RNF152: variants seen among roughly 807,000 people sequenced by gnomAD.
The protein encoded by RNF152 is ring finger protein 152.
Under a neutral mutation model 12.7 loss-of-function variants are expected in RNF152, and 11 were observed. The ratio of observed to expected loss-of-function variants is 0.86; its 90% CI spans 0.54 to 1.43. RNF152 has a LOEUF of 1.43. Among genes scored for constraint, RNF152 ranks in the 40% most tolerant of loss-of-function variants. RNF152 has a pLI of 0.00. For synonymous variants in RNF152, 113 were observed against 120.3 expected (o/e 0.94, Z 0.40); for missense variants, 255 against 274.8 (o/e 0.93, Z 0.51).
rs1555702340 is a variant in RNF152, at chr18:61,844,102, G to GAAAGAAAGAAAGAAAGAAAGAAAGAA, written c.-135-27530_-135-27505dup. Among the ~76,000 whole-genome samples the GAAAGAAAGAAAGAAAGAAAGAAAGAA allele has an allele frequency of 4.5e-3, 607 of 136,316 alleles. 5 individuals are homozygous for GAAAGAAAGAAAGAAAGAAAGAAAGAA. The highest frequency in any genetic ancestry group is 0.015 in the Middle Eastern group (4 of 268). The allele number at this position is 136,316 out of a possible 152,430, so 89.4% of individuals were successfully genotyped here. On this transcript the variant is annotated intron_variant, in intron 1 of 1. Transcript: ENST00000312828. ...GGAAAGAAAGAAAGAAAGAAAGAAAGAAAGAAAGAAAGAAAGAAAGAAAGA... is the reference window on the plus strand; with the variant it reads ...GGAAAGAAAGAAAGAAAGAAAGAAAGAAAGAAAGAAAGAAAGAAAGAAAGAAAAAGAAAGAAAGAAAGAAAGAAAGA...
At chr18:61,845,154 T>C (rs1007228849) in intron 1 of RNF152, among the ~76,000 whole-genome samples, 3 of 152,188 alleles carry the variant, frequency 2.0e-5, no homozygotes, top group Non-Finnish European at 4.4e-5. Context: ...GGCCTGATCA[T>C]AGCTCATTGC....
Position 61,876,032 on chromosome 18 carries a change from T to C in RNF152, c.-136+16763A>G, listed in dbSNP as rs117616449. 1.4e-4 allele frequency among the ~76,000 whole-genome samples: 21 copies of C among 152,242 alleles called. No homozygotes were observed. The East Asian group carries it at 3.9e-3, about 28-fold the overall frequency. Reference sequence around the variant, plus strand: ...TCCCACCAACCTTTCCAATCCTTTTTCATACTATTCCTACTCCCATACTCC... The same window carrying C: ...TCCCACCAACCTTTCCAATCCTTTTCCATACTATTCCTACTCCCATACTCC... On this transcript the variant is annotated intron_variant, in intron 1 of 1. Coordinates refer to ENST00000312828, the MANE Select transcript of RNF152 (RefSeq NM_173557.3).
At chr18:61,823,901 T>C (rs78623331) in intron 1 of RNF152, among the ~76,000 whole-genome samples, 3,500 of 152,318 alleles carry the variant, frequency 0.023, 133 homozygotes, top group African/African-American at 0.079. Flanking sequence ...AAGGGCATCC[T>C]GTGCCAGGGG....
At position 61,811,163 on chromosome 18, in the gene RNF152, T is replaced by C. The variant is rs749284087; in HGVS notation, c.*4689A>G. The C allele has an allele frequency of 3.9e-5, 6 of 152,170 alleles. No individual in the cohort carries two copies. Among genetic ancestry groups the C allele is most frequent in the Non-Finnish European group, 8.8e-5 (6 of 68,038 alleles). 9.4% of individuals were successfully genotyped at this position (152,170 alleles called of 1,614,324 possible). On this transcript the variant is annotated 3_prime_UTR_variant, in exon 2 of 2. Coordinates refer to ENST00000312828, the MANE Select transcript of RNF152 (RefSeq NM_173557.3). ...TTCTGCTAAAATGAAGTAAATGTAT[T>C]TTGTATATATTCCATTTGGAAAACA...
At chr18:61,855,119 T>C (rs1911161407) in intron 1 of RNF152, among the ~76,000 whole-genome samples, 1 of 152,230 alleles carries the variant, frequency 6.6e-6, no homozygotes, top group South Asian at 2.1e-4. Context: ...TACACAATTA[T>C]AACCAGTGGG....
At chr18:61,880,603 CT>C (rs1254223849) in intron 1 of RNF152, among the ~76,000 whole-genome samples, 3 of 152,212 alleles carry the variant, frequency 2.0e-5, no homozygotes. Flanking sequence ...CTACAGTTAT[CT>C]CCCCCACTCT....
At chr18:61,854,050 C>T (rs887638517) in intron 1 of RNF152, among the ~76,000 whole-genome samples, 4 of 152,206 alleles carry the variant, frequency 2.6e-5, no homozygotes, top group African/African-American at 4.8e-5. Context: ...CAAGCTGATA[C>T]CTAATCTTAC....
chr18:61,867,949 C>T (rs942029387), intron 1 of RNF152, among the ~76,000 whole-genome samples: 2 of 152,156 alleles, frequency 1.3e-5, no homozygotes, highest in East Asian at 3.8e-4. Context: ...TAACCTTAAA[C>T]AAATATGCTA....
chr18:61,885,852 C>CA (rs1370252396), intron 1 of RNF152, among the ~76,000 whole-genome samples: 39 of 152,078 alleles, frequency 2.6e-4, no homozygotes, highest in Non-Finnish European at 3.7e-4. Context: ...CAACTACACC[C>CA]AGTCATCACA....
chr18:61,869,505 A>G (rs1326560763), intron 1 of RNF152, among the ~76,000 whole-genome samples: 1 of 152,242 alleles, frequency 6.6e-6, no homozygotes, highest in African/African-American at 2.4e-5. Context: ...GAACACCCAG[A>G]GACCCACTTG....
chr18:61,839,934 T>G (rs139546526), intron 1 of RNF152, among the ~76,000 whole-genome samples: 243 of 152,292 alleles, frequency 1.6e-3, no homozygotes, highest in Non-Finnish European at 2.7e-3. Context: ...AGGCTCAACT[T>G]GTATTTCCCC....
chr18:61,883,806 G>C (rs1005714880), intron 1 of RNF152, among the ~76,000 whole-genome samples: 1 of 152,174 alleles, frequency 6.6e-6, no homozygotes, highest in African/African-American at 2.4e-5. Flanking sequence ...GGCTAGCTCA[G>C]AACCCTTTCT....
chr18:61,835,292 C>T (rs569167263), intron 1 of RNF152, among the ~76,000 whole-genome samples: 174 of 152,276 alleles, frequency 1.1e-3, no homozygotes, highest in Non-Finnish European at 1.6e-3. Context: ...GACTAGACTA[C>T]GTCTCTCCAC....
At chr18:61,856,292 C>T (rs562162118) in intron 1 of RNF152, among the ~76,000 whole-genome samples, 2 of 152,186 alleles carry the variant, frequency 1.3e-5, no homozygotes, top group South Asian at 2.1e-4. Context: ...GAAAATGACA[C>T]GGGGAAATAC....
rs1304030910 is a variant in RNF152, at chr18:61,812,569, A to C, written c.*3283T>G. The C allele has an allele frequency of 6.6e-6, 1 of 152,218 alleles. No homozygotes were observed. Among genetic ancestry groups the C allele is most frequent in the Non-Finnish European group, 1.5e-5 (1 of 68,038 alleles). The allele number at this position is 152,218 out of a possible 1,614,324, so 9.4% of individuals were successfully genotyped here. Reference sequence around the variant, plus strand: ...AATTTTTCCAAAGACAATGCTTCTTAGTAGCATTCTTGGCTCTACTTAACA... The same window carrying C: ...AATTTTTCCAAAGACAATGCTTCTTCGTAGCATTCTTGGCTCTACTTAACA... On this transcript the variant is annotated 3_prime_UTR_variant, in exon 2 of 2. Transcript: ENST00000312828.
At chr18:61,874,825 A>G (rs1912145321) in intron 1 of RNF152, among the ~76,000 whole-genome samples, 1 of 152,218 alleles carries the variant, frequency 6.6e-6, no homozygotes, top group Non-Finnish European at 1.5e-5. Flanking sequence ...AGTCATTTCC[A>G]TAGTGTATTT....
At chr18:61,824,572 G>A (rs2144633223) in intron 1 of RNF152, among the ~76,000 whole-genome samples, 1 of 152,318 alleles carries the variant, frequency 6.6e-6, no homozygotes, top group African/African-American at 2.4e-5. Context: ...TCTAGCTAGA[G>A]CCCATATCCT....
intron 1 of RNF152, among the ~76,000 whole-genome samples, chr18:61,826,374 T>C (rs1909669440): frequency 6.6e-6 from 1 of 152,172 alleles, no homozygotes; most frequent in Admixed American, 6.5e-5. Context: ...CACTCACACA[T>C]GCAAACACAC....
intron 1 of RNF152, among the ~76,000 whole-genome samples, chr18:61,887,847 A>G (rs1912769703): frequency 6.6e-6 from 1 of 152,192 alleles, no homozygotes; most frequent in African/African-American, 2.4e-5. Flanking sequence ...CTGAGCCGGG[A>G]AAGTTACACT....
Sources: gnomAD v4.1 joint callset for allele counts (sites outside exome capture counted in the v4.1 genomes callset) on GRCh38, gnomAD v4.1.1 for gene constraint, MANE v1.5 for transcripts, NCBI Gene and HGNC (gene_info 2026-07-23, HGNC 2026-07-21) for gene names.